NUP62CL: variants seen among roughly 807,000 people sequenced by gnomAD.
NUP62CL encodes nucleoporin 62 C-terminal like.
Under a neutral mutation model 15.3 loss-of-function variants are expected in NUP62CL, and 13 were observed. The ratio of observed to expected loss-of-function variants is 0.85; its 90% CI spans 0.55 to 1.35. The LOEUF is 1.35. Among genes scored for constraint, NUP62CL ranks in the 40% most tolerant of loss-of-function variants. The pLI is 0.00. For missense variants in NUP62CL, 123 were observed against 130.6 expected, an observed-to-expected ratio of 0.94 and a Z score of 0.28; for synonymous variants, 54 against 49.2, an observed-to-expected ratio of 1.10 and a Z score of -0.41.
intron 2 of NUP62CL, among the ~76,000 whole-genome samples, chrX:107,186,560 G>A (rs1252057107): frequency 9.0e-6 from 1 of 111,692 alleles, no homozygotes; most frequent in African/African-American, 3.3e-5. Flanking sequence ...TGGGGTACAA[G>A]TGGTTTTTGG....
At chrX:107,187,594 T>C (rs1285600) in intron 2 of NUP62CL, among the ~76,000 whole-genome samples, 40,763 of 110,737 alleles carry the variant, frequency 0.37, 8,124 homozygotes, top group African/African-American at 0.77. Context: ...GACGATGTTT[T>C]GCCACGTTGG....
intron 4 of NUP62CL, among the ~76,000 whole-genome samples, chrX:107,156,198 G>T (rs1328891103): frequency 1.8e-5 from 2 of 111,899 alleles, no homozygotes; most frequent in Non-Finnish European, 3.8e-5. Flanking sequence ...CAGCCAGGCT[G>T]GGGGAGGGGC....
At chrX:107,127,101 A>C (rs1456899778) in intron 8 of NUP62CL, among the ~76,000 whole-genome samples, 5 of 112,060 alleles carry the variant, frequency 4.5e-5, no homozygotes, top group Admixed American at 9.5e-5. Context: ...TGACTGTACA[A>C]TGAAATGATA....
chrX:107,196,625 A>G (rs746759274), intron 1 of NUP62CL, among the ~76,000 whole-genome samples: 16 of 111,100 alleles, frequency 1.4e-4, no homozygotes, highest in African/African-American at 4.6e-4. Flanking sequence ...TGTTTTTTGT[A>G]TTTTTATAGA....
intron 8 of NUP62CL, among the ~76,000 whole-genome samples, chrX:107,136,362 C>G: frequency 8.9e-6 from 1 of 111,795 alleles, no homozygotes; most frequent in East Asian, 2.8e-4. Flanking sequence ...ACTATGAGAT[C>G]TCAACCAAGA....
intron 8 of NUP62CL, among the ~76,000 whole-genome samples, chrX:107,127,468 ATTC>A (rs1302568248): frequency 8.9e-6 from 1 of 112,259 alleles, no homozygotes; most frequent in Non-Finnish European, 1.9e-5. Context: ...ATTATTTATT[ATTC>A]TCAAAAGATT....
intron 1 of NUP62CL, among the ~76,000 whole-genome samples, chrX:107,197,600 C>T (rs1038546965): frequency 3.7e-5 from 4 of 108,772 alleles, no homozygotes; most frequent in Admixed American, 2.0e-4. Flanking sequence ...TGCAAGCACA[C>T]ATATTCAAAG....
intron 1 of NUP62CL, among the ~76,000 whole-genome samples, chrX:107,204,784 TTTAA>T (rs1569369167): frequency 1.8e-3 from 148 of 80,210 alleles, no homozygotes; most frequent in Non-Finnish European, 2.4e-3. Context: ...TTAAATAAAT[TTTAA>T]ATAAATTATT....
chrX:107,178,226 C>A (rs142144764), intron 2 of NUP62CL, among the ~76,000 whole-genome samples: 1 of 111,647 alleles, frequency 9.0e-6, no homozygotes, highest in African/African-American at 3.2e-5. Flanking sequence ...TAGAGAGTTT[C>A]TTTTGGGGAT....
chrX:107,189,809 A>AGG (rs1927163774), intron 2 of NUP62CL, among the ~76,000 whole-genome samples: 1 of 66,791 alleles, frequency 1.5e-5, no homozygotes, highest in South Asian at 1.1e-3. Flanking sequence ...AGAGAGAGAG[A>AGG]GAAAGAAAGA....
chrX:107,195,093 A>C (rs1927333447), intron 1 of NUP62CL, among the ~76,000 whole-genome samples: 2 of 110,649 alleles, frequency 1.8e-5, no homozygotes, highest in Non-Finnish European at 3.8e-5. Context: ...GGGATTACAG[A>C]CATAAGCCAC....
In NUP62CL at chrX:107,201,262, C is replaced by G. The variant is rs961099535; in HGVS notation, c.-92+5011G>C. 9.0e-5 allele frequency among the ~76,000 whole-genome samples: 10 copies of G among 111,557 alleles called. No homozygotes were observed. In the South Asian group the frequency reaches 3.8e-3, roughly 42 times the overall value. ...TACAATTTTGGTAGTATTAGGTACACTCATGATGTTATTCAACTGTCACAA... is the reference window on the plus strand; with the variant it reads ...TACAATTTTGGTAGTATTAGGTACAGTCATGATGTTATTCAACTGTCACAA... On this transcript the variant is annotated intron_variant, in intron 1 of 8. Transcript: ENST00000372466.
intron 8 of NUP62CL, among the ~76,000 whole-genome samples, chrX:107,126,730 T>C (rs1925395111): frequency 8.9e-6 from 1 of 112,415 alleles, no homozygotes. Flanking sequence ...GTGCTAAAAC[T>C]ATATTTTAAA....
intron 2 of NUP62CL, among the ~76,000 whole-genome samples, chrX:107,185,473 T>C (rs934723143): frequency 8.1e-5 from 9 of 110,644 alleles, no homozygotes; most frequent in African/African-American, 3.0e-4. Context: ...TTAAGGGACA[T>C]ACAGGGAGGA....
chrX:107,133,404 G>C (rs1284444085), intron 8 of NUP62CL, among the ~76,000 whole-genome samples: 1 of 110,858 alleles, frequency 9.0e-6, no homozygotes, highest in Non-Finnish European at 1.9e-5. Flanking sequence ...GCATGACCGC[G>C]GCTTACTACA....
At position 107,156,837 on chromosome X, in the gene NUP62CL, G is replaced by A. The variant is rs747327786; in HGVS notation, c.195-2591C>T. Among the ~76,000 whole-genome samples the A allele has an allele frequency of 1.4e-4, 15 of 104,988 alleles. No individual in the cohort carries two copies. The East Asian group carries it at 3.0e-3, about 21-fold the overall frequency. 91.2% of individuals were successfully genotyped at this position (104,988 alleles called of 115,157 possible). A position where few individuals can be genotyped will look rare whatever the true frequency, so the allele number is the denominator to read the frequency against. On this transcript the variant is annotated intron_variant, in intron 4 of 8. Coordinates refer to ENST00000372466, the MANE Select transcript of NUP62CL (RefSeq NM_017681.3). ...AGACGATCAAATTACTCTGAGCTACGGGAGGACATTCAAACCAAAGGCAAA... is the reference window on the plus strand; with the variant it reads ...AGACGATCAAATTACTCTGAGCTACAGGAGGACATTCAAACCAAAGGCAAA...
chrX:107,146,746 T>C (rs1925891636), intron 8 of NUP62CL, among the ~76,000 whole-genome samples: 3 of 111,464 alleles, frequency 2.7e-5, no homozygotes, highest in Non-Finnish European at 5.7e-5. Context: ...CATCCTAATG[T>C]GGCCAGTGGG....
chrX:107,197,520 G>A (rs940648294), intron 1 of NUP62CL, among the ~76,000 whole-genome samples: 11 of 109,834 alleles, frequency 1.0e-4, no homozygotes, highest in Admixed American at 8.0e-4. Flanking sequence ...CTAACTACAG[G>A]AGCTTAAAAC....
chrX:107,133,819 T>C (rs1925576316), intron 8 of NUP62CL, among the ~76,000 whole-genome samples: 1 of 111,923 alleles, frequency 8.9e-6, no homozygotes, highest in Admixed American at 9.4e-5. Context: ...ACACCTGTGG[T>C]CCCGGCTACT....
Sources: gnomAD v4.1 joint callset for allele counts (sites outside exome capture counted in the v4.1 genomes callset) on GRCh38, gnomAD v4.1.1 for gene constraint, MANE v1.5 for transcripts, NCBI Gene and HGNC (gene_info 2026-07-23, HGNC 2026-07-21) for gene names.